The following SERPINB7 variants were observed in gnomAD, a reference collection of about 807,000 sequenced individuals.
The protein encoded by SERPINB7 is serpin family B member 7.
Under a neutral mutation model 37.4 loss-of-function variants are expected in SERPINB7, and 31 were observed. That is an observed-to-expected ratio of 0.83 (90% CI 0.62 to 1.12). SERPINB7 has a LOEUF of 1.12. SERPINB7 is among the 50% of genes most tolerant of loss of function. The pLI, the probability that SERPINB7 is intolerant of heterozygous loss-of-function variation, is 0.00. For synonymous variants in SERPINB7, 163 were observed against 166.1 expected (o/e 0.98, Z 0.14); for missense variants, 521 against 455.3 (o/e 1.14, Z -1.31).
intron 1 of SERPINB7, among the ~76,000 whole-genome samples, chr18:63,760,310 T>C (rs1034450352): frequency 6.6e-6 from 1 of 152,146 alleles, no homozygotes; most frequent in Non-Finnish European, 1.5e-5. Flanking sequence ...AAAATGATGA[T>C]TTAGGATATC....
rs1372751662 is a variant in SERPINB7, at chr18:63,783,220, GAGAGAGAGAGAGAGAA to G, written c.168+684_168+699del. On this transcript the variant is annotated intron_variant, in intron 2 of 7. Coordinates refer to ENST00000398019, the MANE Select transcript of SERPINB7 (RefSeq NM_003784.4). ...AGAGAGAGAGAGAGAGAGAGAGAGA[GAGAGAGAGAGAGAGAA>G]AGAAAGAAAGAAAGAAAGAAAGAAA... Among the ~76,000 whole-genome samples the G allele has an allele frequency of 5.0e-3, 321 of 63,780 alleles. 2 individuals carry two copies. Among genetic ancestry groups the G allele is most frequent in the Middle Eastern group, 0.024 (3 of 126 alleles). 41.8% of individuals were successfully genotyped at this position (63,780 alleles called of 152,430 possible).
chr18:63,795,923 A>G (rs1054291262), intron 4 of SERPINB7, among the ~76,000 whole-genome samples: 7 of 152,240 alleles, frequency 4.6e-5, no homozygotes, highest in African/African-American at 1.7e-4. Context: ...TGCAGCAGGA[A>G]GGGATGACAC....
chr18:63,762,244 G>A (rs547451814), intron 1 of SERPINB7, among the ~76,000 whole-genome samples: 13 of 152,294 alleles, frequency 8.5e-5, no homozygotes, highest in African/African-American at 3.1e-4. Flanking sequence ...ATTGACTGGA[G>A]GGGGAAAAGG....
intron 2 of SERPINB7, among the ~76,000 whole-genome samples, chr18:63,788,678 C>T (rs993803002): frequency 1.3e-5 from 2 of 152,234 alleles, no homozygotes; most frequent in South Asian, 2.1e-4. Flanking sequence ...CACTTCCTGT[C>T]TTGCAAGTGC....
Position 63,755,014 on chromosome 18 carries a change from C to T in SERPINB7, c.-19+1894C>T, listed in dbSNP as rs551596063. On this transcript the variant is annotated intron_variant, in intron 1 of 7. Transcript: ENST00000336429. Reference sequence around the variant, plus strand: ...TCCCGGGTTCACGCCATTCTCCTGCCTCAGCCTCCCGAGTAGCTGGGACTA... The same window carrying T: ...TCCCGGGTTCACGCCATTCTCCTGCTTCAGCCTCCCGAGTAGCTGGGACTA... Among the ~76,000 whole-genome samples the T allele has an allele frequency of 2.5e-4, 38 of 151,724 alleles. No individual in the cohort carries two copies. In the East Asian group the frequency reaches 6.2e-3, roughly 25 times the overall value.
chr18:63,788,276 A>C (rs1009640492), intron 2 of SERPINB7, among the ~76,000 whole-genome samples: 26 of 152,226 alleles, frequency 1.7e-4, no homozygotes, highest in Admixed American at 3.9e-4. Context: ...TGAAGGAAAA[A>C]GACAGTGATA....
At chr18:63,776,219 T>C (rs1199468585) in intron 1 of SERPINB7, among the ~76,000 whole-genome samples, 1 of 152,006 alleles carries the variant, frequency 6.6e-6, no homozygotes, top group African/African-American at 2.4e-5. Context: ...TGTAGCTACA[T>C]AAAGATGAAT....
intron 2 of SERPINB7, among the ~76,000 whole-genome samples, chr18:63,790,012 T>A (rs1437225393): frequency 2.6e-5 from 4 of 152,192 alleles, no homozygotes; most frequent in African/African-American, 9.6e-5. Flanking sequence ...GATTTTGAAT[T>A]TTTCCATAGG....
chr18:63,792,464 T>C, intron 3 of SERPINB7, 21 bp downstream of exon 3: 2 of 1,545,542 alleles, frequency 1.3e-6, no homozygotes, highest in South Asian at 1.1e-5. Flanking sequence ...TATGTTCTTT[T>C]AGAAAAAGAG....
intron 1 of SERPINB7, among the ~76,000 whole-genome samples, chr18:63,767,813 T>G (rs998167604): frequency 1.3e-5 from 2 of 152,112 alleles, no homozygotes; most frequent in Non-Finnish European, 2.9e-5. Context: ...ATTTCTATTT[T>G]TGGAGTTTAA....
At chr18:63,803,844 T>C (rs1412943979) in intron 7 of SERPINB7, among the ~76,000 whole-genome samples, 1 of 152,174 alleles carries the variant, frequency 6.6e-6, no homozygotes, top group African/African-American at 2.4e-5. Flanking sequence ...TATCTGTCTT[T>C]CATGATGAGG....
intron 6 of SERPINB7, among the ~76,000 whole-genome samples, chr18:63,799,899 A>C (rs1489166596): frequency 6.6e-6 from 1 of 152,214 alleles, no homozygotes; most frequent in Non-Finnish European, 1.5e-5. Context: ...TCGTAATATT[A>C]CTAGGAGAAA....
intron 6 of SERPINB7, 124 bp downstream of exon 6, chr18:63,798,870 C>T: frequency 1.0e-6 from 1 of 992,904 alleles, no homozygotes; most frequent in Admixed American, 2.6e-5. Flanking sequence ...TTTTGCATTA[C>T]CAATATCATA....
chr18:63,758,127 C>A (rs2144582305), intron 1 of SERPINB7, among the ~76,000 whole-genome samples: 1 of 152,346 alleles, frequency 6.6e-6, no homozygotes, highest in South Asian at 2.1e-4. Flanking sequence ...CATGCATGCA[C>A]AAACACACAT....
rs1177605494 is a variant in SERPINB7 at position 63,792,890 on chromosome 18, T to G, written c.220-271T>G. ...TTGTATATTCATAGACAACTTACAT[T>G]GGTAAAATTAATTAATATATATGTT... On this transcript the variant is annotated intron_variant, in intron 3 of 7. Coordinates refer to ENST00000398019, the MANE Select transcript of SERPINB7 (RefSeq NM_003784.4). Among the ~76,000 whole-genome samples the G allele has an allele frequency of 2.0e-5, 3 of 152,308 alleles. No individual in the cohort carries two copies. In the East Asian group the frequency reaches 5.8e-4, roughly 29 times the overall value.
upstream of SERPINB7, among the ~76,000 whole-genome samples, chr18:63,770,605 G>A (rs2049204892): frequency 1.3e-5 from 2 of 151,980 alleles, no homozygotes; most frequent in East Asian, 3.9e-4. Flanking sequence ...AGGAACATGT[G>A]AGTTTTTCTG....
intron 2 of SERPINB7, among the ~76,000 whole-genome samples, chr18:63,786,812 A>C (rs1408500725): frequency 6.6e-6 from 1 of 152,240 alleles, no homozygotes; most frequent in African/African-American, 2.4e-5. Context: ...ACACCAAAGA[A>C]TTAGATAAGA....
At chr18:63,796,666 A>G (rs2049491957) in intron 5 of SERPINB7, among the ~76,000 whole-genome samples, 1 of 152,234 alleles carries the variant, frequency 6.6e-6, no homozygotes, top group African/African-American at 2.4e-5. Flanking sequence ...CACTTCATAT[A>G]TGAATAACAA....
chr18:63,795,422 G>A (rs1026256273), intron 4 of SERPINB7, among the ~76,000 whole-genome samples: 24 of 151,958 alleles, frequency 1.6e-4, no homozygotes, highest in African/African-American at 5.5e-4. Flanking sequence ...TTAGCCCAGC[G>A]TGGTGGCAGG....
Sources: allele counts gnomAD v4.1 joint callset (sites outside exome capture counted in the v4.1 genomes callset), GRCh38; gene constraint gnomAD v4.1.1; transcripts MANE v1.5; gene names NCBI Gene and HGNC (gene_info 2026-07-23, HGNC 2026-07-21).